Variants in HEATR4 observed in about 807,000 individuals in gnomAD.
HEATR4 encodes HEAT repeat containing 4.
In HEATR4, 95 loss-of-function variants were observed where a neutral mutation model predicts 108.8. The ratio of observed to expected loss-of-function variants is 0.87; its 90% CI spans 0.74 to 1.04. The LOEUF is 1.04. Ranked by LOEUF, HEATR4 falls within the 50% of genes least tolerant of loss-of-function variation. The pLI, the probability that HEATR4 is intolerant of heterozygous loss-of-function variation, is 0.00. For missense variants in HEATR4, 1,152 were observed against 1,253.8 expected, an observed-to-expected ratio of 0.92 and a Z score of 1.23; for synonymous variants, 443 against 459.4, an observed-to-expected ratio of 0.96 and a Z score of 0.46.
At chr14:73,615,733 C>CAACA in the HEATR4 span, among the ~76,000 whole-genome samples, 5,380 of 150,426 alleles carry the variant, frequency 0.036, 128 homozygotes, top group African/African-American at 0.056. Flanking sequence ...AACCTTGTCT[C>CAACA]AACAAACAAA....
chr14:73,577,698 G>T, the HEATR4 span, among the ~76,000 whole-genome samples: 417 of 152,026 alleles, frequency 2.7e-3, 3 homozygotes, highest in African/African-American at 9.7e-3. Flanking sequence ...TTAGAAATTC[G>T]GGCTGGTGAA....
intron 1 of HEATR4, among the ~76,000 whole-genome samples, chr14:73,540,009 C>T (rs1242524299): frequency 1.7e-5 from 2 of 116,736 alleles, no homozygotes; most frequent in Non-Finnish European, 3.8e-5. Context: ...AGAAATGATG[C>T]TTATCCTTAT....
chr14:73,600,100 A>T, the HEATR4 span, among the ~76,000 whole-genome samples: 1 of 152,142 alleles, frequency 6.6e-6, no homozygotes. Flanking sequence ...CATGTCCATA[A>T]TACAATGGTG....
chr14:73,527,920 C>G (rs1888435821), intron 2 of HEATR4, among the ~76,000 whole-genome samples: 1 of 141,926 alleles, frequency 7.0e-6, no homozygotes. Flanking sequence ...CAGAGGTTGC[C>G]ACCGTACTCC....
At chr14:73,595,070 C>T in the HEATR4 span, 2 of 1,613,978 alleles carry the variant, frequency 1.2e-6, no homozygotes, top group Non-Finnish European at 1.7e-6. Flanking sequence ...AGGCATTGGG[C>T]TTTTGGGCAT....
chr14:73,587,484 T>C, the HEATR4 span, among the ~76,000 whole-genome samples: 3 of 151,968 alleles, frequency 2.0e-5, no homozygotes, highest in Non-Finnish European at 4.4e-5. Flanking sequence ...TCCCGGGACA[T>C]TGCTGGGACT....
At chr14:73,543,262 CAT>C (rs1889161405) in intron 1 of HEATR4, 1 of 1,591,666 alleles carries the variant, frequency 6.3e-7, no homozygotes. Context: ...GCTATGCAGA[CAT>C]TGTGGATGTC....
At chr14:73,509,858 A>ATTTATATATT (rs1566832304) in intron 7 of HEATR4, among the ~76,000 whole-genome samples, 23 of 59,196 alleles carry the variant, frequency 3.9e-4, no homozygotes, top group African/African-American at 1.8e-3. Flanking sequence ...ATATATATAT[A>ATTTATATATT]TATATATATA....
chr14:73,625,548 G>A, the HEATR4 span, among the ~76,000 whole-genome samples: 1 of 151,748 alleles, frequency 6.6e-6, no homozygotes, highest in East Asian at 1.9e-4. Flanking sequence ...TTTTAGTAGA[G>A]ACGAGGTTTC....
chr14:73,581,445 GTGTGTGTGTGTGTCTGTGTA>G, the HEATR4 span: 1 of 149,974 alleles, frequency 6.7e-6, no homozygotes, highest in African/African-American at 2.5e-5. Flanking sequence ...GCCTCGTGAT[GTGTGTGTGTGTGTCTGTGTA>G]TGTGTGTGTG....
At chr14:73,623,752 C>A in the HEATR4 span, among the ~76,000 whole-genome samples, 1 of 151,980 alleles carries the variant, frequency 6.6e-6, no homozygotes, top group Non-Finnish European at 1.5e-5. Flanking sequence ...TGAGGGCCAA[C>A]CCCTCAGGAA....
At chr14:73,629,890 G>A in the HEATR4 span, among the ~76,000 whole-genome samples, 7 of 151,652 alleles carry the variant, frequency 4.6e-5, no homozygotes, top group African/African-American at 1.5e-4. Flanking sequence ...TTTGAGATCC[G>A]CCCTCCTCGG....
At chr14:73,493,033 T>TAA in intron 17 of HEATR4, 33 bp downstream of exon 17, 1 of 1,599,902 alleles carries the variant, frequency 6.3e-7, no homozygotes, top group South Asian at 1.1e-5. Context: ...CTCACGTTCT[T>TAA]ACCTTGATAA....
At chr14:73,563,323 A>G (rs4417498), upstream of HEATR4, among the ~76,000 whole-genome samples, 39,449 of 151,860 alleles carry the variant, frequency 0.26, 5,299 homozygotes, top group East Asian at 0.32. Context: ...GGCCAGACGC[A>G]GTGGCTCACG....
intron 17 of HEATR4, chr14:73,491,386 G>A (rs920220690): frequency 2.2e-6 from 3 of 1,351,888 alleles, no homozygotes; most frequent in Non-Finnish European, 2.8e-6. Flanking sequence ...CGCGCCTGGT[G>A]CCCGCTTCCG....
In HEATR4 at chr14:73,502,882, G is replaced by C; in HGVS notation, c.2105+13C>G. ...ATTTAGAAGAGTGTCTCCTCATGTT[G>C]ACTGGGTCTTACCTGATTATGTCGT... On this transcript the variant is annotated intron_variant, in intron 11 of 17. Transcript: ENST00000553558. 6.3e-7 allele frequency: 1 copy of C among 1,590,526 alleles called. No individual in the cohort carries two copies. The highest frequency in any genetic ancestry group is 8.6e-7 in the Non-Finnish European group (1 of 1,158,998).
chr14:73,568,683 G>T, the HEATR4 span, among the ~76,000 whole-genome samples: 6 of 152,134 alleles, frequency 3.9e-5, no homozygotes, highest in Non-Finnish European at 8.8e-5. Context: ...ATTTTGGGAG[G>T]CTGAGGCGGG....
chr14:73,615,752 C>G, the HEATR4 span, among the ~76,000 whole-genome samples: 1 of 151,748 alleles, frequency 6.6e-6, no homozygotes, highest in East Asian at 1.9e-4. Context: ...AACAAACAAA[C>G]AAACAAACAA....
chr14:73,537,535 G>A, intron 1 of HEATR4: 1 of 1,212,280 alleles, frequency 8.2e-7, no homozygotes, highest in Non-Finnish European at 1.1e-6. Flanking sequence ...GCGCGTCCCT[G>A]CGCGACGAGA....
Sources: allele counts gnomAD v4.1 joint callset (sites outside exome capture counted in the v4.1 genomes callset), GRCh38; gene constraint gnomAD v4.1.1; transcripts MANE v1.5; gene names NCBI Gene and HGNC (gene_info 2026-07-23, HGNC 2026-07-21).